Variants in GLG1 observed in about 807,000 individuals in gnomAD.
The protein encoded by GLG1 is Golgi apparatus protein 1.
A neutral mutation model predicts 160.5 loss-of-function variants in GLG1; 38 were observed. The observed-to-expected ratio is 0.24, with a 90% CI of 0.18 to 0.31. The LOEUF is 0.31. Ranked by LOEUF, GLG1 falls within the 10% of genes least tolerant of loss-of-function variation. GLG1 has a pLI of 1.00. For synonymous variants in GLG1, 644 were observed against 543.4 expected (o/e 1.19, Z -2.57); for missense variants, 1,373 against 1,505.2 (o/e 0.91, Z 1.45).
chr16:74,553,468 G>C (rs892030134), intron 1 of GLG1, among the ~76,000 whole-genome samples: 6 of 122,538 alleles, frequency 4.9e-5, no homozygotes, highest in African/African-American at 1.9e-4. Flanking sequence ...GTTTTGTTTC[G>C]GTTTTTTTTT....
chr16:74,544,623 T>G (rs1467811834), intron 1 of GLG1, among the ~76,000 whole-genome samples: 1 of 152,256 alleles, frequency 6.6e-6, no homozygotes, highest in East Asian at 1.9e-4. Flanking sequence ...CCTCTTGCCT[T>G]ACTTAGTCTT....
intron 2 of GLG1, among the ~76,000 whole-genome samples, chr16:74,514,911 A>C (rs1188017694): frequency 6.6e-6 from 1 of 152,144 alleles, no homozygotes; most frequent in Admixed American, 6.5e-5. Flanking sequence ...GTGCAAAGAC[A>C]CACATAGGCT....
intron 1 of GLG1, among the ~76,000 whole-genome samples, chr16:74,573,227 T>A (rs1203144072): frequency 1.3e-5 from 2 of 152,122 alleles, no homozygotes; most frequent in Non-Finnish European, 2.9e-5. Context: ...CAGTTGGCCC[T>A]CAGAAGATCT....
At chr16:74,598,766 C>G (rs968162865) in intron 1 of GLG1, among the ~76,000 whole-genome samples, 13 of 151,558 alleles carry the variant, frequency 8.6e-5, no homozygotes, top group African/African-American at 3.1e-4. Flanking sequence ...TGCCTATAAT[C>G]CCAGCTACTC....
chr16:74,556,877 T>C (rs1202314412), intron 1 of GLG1, among the ~76,000 whole-genome samples: 1 of 151,706 alleles, frequency 6.6e-6, no homozygotes, highest in African/African-American at 2.4e-5. Flanking sequence ...ACTATTTCCA[T>C]ATGTAGGCTG....
intron 12 of GLG1, among the ~76,000 whole-genome samples, chr16:74,475,841 C>T (rs1173997712): frequency 1.3e-5 from 2 of 152,056 alleles, no homozygotes; most frequent in African/African-American, 4.8e-5. Context: ...AAGGAAAATA[C>T]CCCAAACTTT....
At chr16:74,456,899 A>C (rs920409607) in intron 24 of GLG1, 144 bp from the exon 25 acceptor site, 24 of 628,136 alleles carry the variant, frequency 3.8e-5, no homozygotes, top group Non-Finnish European at 6.2e-5. Context: ...AGGAAACTTG[A>C]TCCAGGATCC....
At chr16:74,593,647 C>T (rs1282523924) in intron 1 of GLG1, among the ~76,000 whole-genome samples, 1 of 151,978 alleles carries the variant, frequency 6.6e-6, no homozygotes. Context: ...GTTGGCCAGG[C>T]TGGTCTCAAA....
At chr16:74,508,756 T>C in intron 3 of GLG1, 83 bp downstream of exon 3, 1 of 684,214 alleles carries the variant, frequency 1.5e-6, no homozygotes, top group Admixed American at 2.1e-5. Context: ...GTAATGTAAC[T>C]GAGTCATTCT....
At chr16:74,560,141 G>A (rs2018468432) in intron 1 of GLG1, among the ~76,000 whole-genome samples, 1 of 152,040 alleles carries the variant, frequency 6.6e-6, no homozygotes, top group African/African-American at 2.4e-5. Flanking sequence ...TGCTGTTTTT[G>A]GATGAGATTA....
intron 1 of GLG1, among the ~76,000 whole-genome samples, chr16:74,568,872 G>A (rs1259887913): frequency 1.3e-5 from 2 of 152,208 alleles, no homozygotes; most frequent in Non-Finnish European, 2.9e-5. Context: ...AACTAAAAGT[G>A]TTGGAAAACA....
chr16:74,538,996 A>G lies in GLG1; in HGVS notation c.439-6843T>C, dbSNP rs553691524. Among the ~76,000 whole-genome samples, 313 of 152,154 alleles carry G rather than the reference A, an allele frequency of 2.1e-3. 1 individual carries two copies. The highest frequency in any genetic ancestry group is 3.3e-3 in the Non-Finnish European group (226 of 68,008). ...GGATGCTGTGTGCAGGCTGAGGCAG[A>G]TGAGAGGTAGGCTGTGAAAGGTGGA... On this transcript the variant is annotated intron_variant, in intron 1 of 25. Coordinates refer to ENST00000422840, the MANE Select transcript of GLG1 (RefSeq NM_001145667.2).
intron 22 of GLG1, 184 bp downstream of exon 22, chr16:74,461,910 G>C (rs1597222844): frequency 1.8e-6 from 1 of 546,278 alleles, no homozygotes; most frequent in Non-Finnish European, 3.2e-6. Flanking sequence ...TAGAGTGTCA[G>C]GACTAATGCC....
In GLG1 at chr16:74,453,327, G is replaced by A; in HGVS notation, c.3380C>T (p.Pro1127Leu). The stretch of plus-strand genomic sequence containing the variant: ...GGCAAGATCAGAGAAGCCATCTGCT[G>A]GGGCCACCTAGAATGACACAAGGCA... ...EMWSYAAKVAPADGFSDLAMQ... is the reference protein window; with the variant it reads ...EMWSYAAKVALADGFSDLAMQ... Residue 1127 changes from proline (P) to leucine (L), a missense_variant, in exon 26 of 26, where the codon CCA becomes CTA. Physicochemically the swap from Pro to Leu is moderately conservative, Grantham distance 98 (BLOSUM62 -3). Coordinates refer to ENST00000422840, the MANE Select transcript of GLG1 (RefSeq NM_001145667.2). The A allele has an allele frequency of 6.2e-7, 1 of 1,610,798 alleles. No individual in the cohort carries two copies.
chr16:74,538,140 A>T (rs1384705701), intron 1 of GLG1, among the ~76,000 whole-genome samples: 8 of 150,396 alleles, frequency 5.3e-5, no homozygotes, highest in Non-Finnish European at 1.2e-4. Flanking sequence ...ACTGGTACTA[A>T]ATTAAGTGAC....
chr16:74,462,800 C>A, intron 20 of GLG1, 170 bp from the exon 21 acceptor site: 1 of 649,532 alleles, frequency 1.5e-6, no homozygotes, highest in Non-Finnish European at 2.7e-6. Context: ...TTTTAATCAG[C>A]AATATGACTT....
At chr16:74,559,534 T>G (rs963904175) in intron 1 of GLG1, among the ~76,000 whole-genome samples, 1 of 152,130 alleles carries the variant, frequency 6.6e-6, no homozygotes, top group Non-Finnish European at 1.5e-5. Flanking sequence ...TAACTCTTCC[T>G]TAATCCTCTG....
intron 1 of GLG1, among the ~76,000 whole-genome samples, chr16:74,587,168 G>C (rs1298676982): frequency 6.6e-6 from 1 of 152,122 alleles, no homozygotes; most frequent in Non-Finnish European, 1.5e-5. Context: ...GTAACCTTCA[G>C]TCACTGGACA....
chr16:74,583,904 C>G (rs1206485016), intron 1 of GLG1, among the ~76,000 whole-genome samples: 1 of 152,126 alleles, frequency 6.6e-6, no homozygotes, highest in Non-Finnish European at 1.5e-5. Flanking sequence ...GGTGCTGGCA[C>G]ACAGTAAATA....
Sources: gnomAD v4.1 joint callset for allele counts (sites outside exome capture counted in the v4.1 genomes callset) on GRCh38, gnomAD v4.1.1 for gene constraint, MANE v1.5 for transcripts, NCBI Gene and HGNC (gene_info 2026-07-23, HGNC 2026-07-21) for gene names.